Variants in RGS12 observed in about 807,000 individuals in gnomAD.
RGS12 encodes the protein regulator of G-protein signaling 12.
In RGS12, 66 loss-of-function variants were observed where a neutral mutation model predicts 120.1. That is an observed-to-expected ratio of 0.55 (90% CI 0.45 to 0.67). The LOEUF is 0.67. Among genes scored for constraint, RGS12 ranks in the 30% least tolerant of loss-of-function variants. RGS12 has a pLI of 0.00. For synonymous variants in RGS12, 827 were observed against 804.7 expected (o/e 1.03, Z -0.47); for missense variants, 1,859 against 1,957.7 (o/e 0.95, Z 0.95).
chr4:3,302,480 C>T (rs1307670180), intron 1 of RGS12, among the ~76,000 whole-genome samples: 1 of 152,206 alleles, frequency 6.6e-6, no homozygotes, highest in Non-Finnish European at 1.5e-5. Flanking sequence ...GTTGTGTGGC[C>T]TTCAAAACCA....
chr4:3,418,124 T>C (rs991166712), intron 9 of RGS12: 3 of 152,250 alleles, frequency 2.0e-5, no homozygotes, highest in African/African-American at 7.2e-5. Context: ...CTCTGTCCCT[T>C]TTTTCTTCGC....
intron 3 of RGS12, among the ~76,000 whole-genome samples, chr4:3,345,690 C>A (rs1016799519): frequency 7.2e-5 from 11 of 152,188 alleles, no homozygotes; most frequent in Admixed American, 2.0e-4. Flanking sequence ...CGCGCTGGGC[C>A]AGCACGATTC....
At chr4:3,326,263 T>C (rs952372000) in intron 2 of RGS12, among the ~76,000 whole-genome samples, 5 of 152,342 alleles carry the variant, frequency 3.3e-5, no homozygotes, top group African/African-American at 9.6e-5. Flanking sequence ...ATCTTTTTTT[T>C]TGAGACAAAG....
chr4:3,310,172 T>C (rs1374279428), intron 1 of RGS12, among the ~76,000 whole-genome samples: 9 of 142,878 alleles, frequency 6.3e-5, no homozygotes, highest in Admixed American at 1.4e-4. Context: ...GGGAACTGTG[T>C]TGAGGAGGAG....
intron 3 of RGS12, chr4:3,369,987 C>T: frequency 8.2e-7 from 1 of 1,213,104 alleles, no homozygotes. Context: ...CCCCTGTCGG[C>T]CGAAGTTTTA....
chr4:3,364,195 CTT>C (rs1180238441), intron 3 of RGS12, among the ~76,000 whole-genome samples: 1 of 152,210 alleles, frequency 6.6e-6, no homozygotes, highest in Non-Finnish European at 1.5e-5. Context: ...CTTGTCATCT[CTT>C]GAGTTCTGGC....
chr4:3,339,172 G>A lies in RGS12; in HGVS notation c.1882-3765G>A, dbSNP rs190921321. On this transcript the variant is annotated intron_variant, in intron 2 of 17. Coordinates refer to ENST00000336727, the MANE Select transcript of RGS12 (RefSeq NM_001394154.1). ...ACAAGTTGCAAGGCTGACTGTGGAA[G>A]GGCCGCTCACCTGGGGCGTGGTCAG... 2.0e-5 allele frequency among the ~76,000 whole-genome samples: 3 copies of A among 152,280 alleles called. No individual in the cohort carries two copies. In the East Asian group the frequency reaches 5.8e-4, roughly 29 times the overall value.
intron 1 of RGS12, among the ~76,000 whole-genome samples, chr4:3,305,323 G>A (rs529287807): frequency 6.6e-6 from 1 of 152,208 alleles, no homozygotes; most frequent in Non-Finnish European, 1.5e-5. Flanking sequence ...AGGAGGTGGT[G>A]TCATGGGGGC....
intron 3 of RGS12, among the ~76,000 whole-genome samples, chr4:3,370,926 ATAAAT>A (rs565342456): frequency 8.5e-4 from 129 of 152,364 alleles, no homozygotes; most frequent in Non-Finnish European, 1.4e-3. Flanking sequence ...AAAGATAAAA[ATAAAT>A]TTAAATTATG....
chr4:3,323,872 T>TGAGAGAGA (rs72232319), intron 2 of RGS12: 1 of 138,686 alleles, frequency 7.2e-6, no homozygotes, highest in East Asian at 2.2e-4. Context: ...TGTGTGTGTG[T>TGAGAGAGA]GAGAGAGAGA....
intron 1 of RGS12, among the ~76,000 whole-genome samples, chr4:3,309,618 C>T (rs1724216373): frequency 7.9e-6 from 1 of 126,374 alleles, no homozygotes. Flanking sequence ...CTGGGAATGG[C>T]AGGTGTCCGC....
At position 3,344,211 on chromosome 4, in the gene RGS12, G is replaced by A. The variant is rs184360735; in HGVS notation, c.1998+1158G>A. ...TCCTGGGGATTGGCACGTTGTGGCT[G>A]CAAATAGGAATCTGCCCTTGGATGG... On this transcript the variant is annotated intron_variant, in intron 3 of 17. Coordinates refer to ENST00000336727, the MANE Select transcript of RGS12 (RefSeq NM_001394154.1). Among the ~76,000 whole-genome samples the A allele has an allele frequency of 2.3e-4, 35 of 152,286 alleles. 1 individual carries two copies. The highest frequency in any genetic ancestry group is 2.1e-3 in the Admixed American group (32 of 15,294).
chr4:3,365,107 C>T lies in RGS12; in HGVS notation c.1999-21309C>T, dbSNP rs1716161537. Among the ~76,000 whole-genome samples, 1 of 152,088 alleles carries T rather than the reference C, an allele frequency of 6.6e-6. No homozygotes were observed. The highest frequency in any genetic ancestry group is 1.5e-5 in the Non-Finnish European group (1 of 68,000). ...GCAGGTTCCCCGGGAGCTGTTGGAG[C>T]CAGGAGCCTGGGCTGGAGCCTGGGA... On this transcript the variant is annotated intron_variant, in intron 3 of 17. Transcript: ENST00000336727. The surrounding 1 kb of genome is among the most constrained non-coding windows in gnomAD (Gnocchi z 4.0).
chr4:3,331,920 C>T (rs956153274), intron 2 of RGS12, among the ~76,000 whole-genome samples: 3 of 152,210 alleles, frequency 2.0e-5, no homozygotes, highest in South Asian at 2.1e-4. Flanking sequence ...GTCCCTGCAG[C>T]GTTTGCCCAT....
intron 3 of RGS12, among the ~76,000 whole-genome samples, chr4:3,361,550 A>C (rs1300008341): frequency 6.6e-6 from 1 of 152,234 alleles, no homozygotes; most frequent in East Asian, 1.9e-4. Flanking sequence ...AGAAATGGCG[A>C]GGGGCAGGCT....
At chr4:3,355,908 T>C (rs1423761449) in intron 3 of RGS12, among the ~76,000 whole-genome samples, 3 of 151,600 alleles carry the variant, frequency 2.0e-5, no homozygotes, top group Non-Finnish European at 4.4e-5. Context: ...ATGGTTAATA[T>C]ACAAAAATCA....
intron 4 of RGS12, among the ~76,000 whole-genome samples, chr4:3,400,882 C>T (rs181153203): frequency 6.7e-6 from 1 of 150,330 alleles, no homozygotes; most frequent in East Asian, 1.9e-4. Flanking sequence ...TAGAAAAATT[C>T]CTATTAGAGC....
chr4:3,355,278 C>G (rs1006267578), intron 3 of RGS12, among the ~76,000 whole-genome samples: 1 of 152,154 alleles, frequency 6.6e-6, no homozygotes, highest in African/African-American at 2.4e-5. Flanking sequence ...AGGGAAATTC[C>G]TTAATCTGAT....
At chr4:3,325,511 G>A (rs1032851012) in intron 2 of RGS12, among the ~76,000 whole-genome samples, 11 of 152,156 alleles carry the variant, frequency 7.2e-5, no homozygotes, top group Admixed American at 7.2e-4. Context: ...TCAAAAGGGT[G>A]GGTCTGAATA....
Sources: gnomAD v4.1 joint callset for allele counts (sites outside exome capture counted in the v4.1 genomes callset) on GRCh38, gnomAD v4.1.1 for gene constraint, Gnocchi (gnomAD v3.1) non-coding constraint, MANE v1.5 for transcripts, NCBI Gene and HGNC (gene_info 2026-07-23, HGNC 2026-07-21) for gene names.